Variants in LONRF2 observed in about 807,000 individuals in gnomAD.
The protein encoded by LONRF2 is LON peptidase N-terminal domain and RING finger protein 2.
A neutral mutation model predicts 66.6 loss-of-function variants in LONRF2; 35 were observed. The ratio of observed to expected loss-of-function variants is 0.53; its 90% CI spans 0.40 to 0.70. The LOEUF (loss-of-function observed/expected upper bound fraction) is 0.70, where lower values mean the gene tolerates loss of function less well. Among genes scored for constraint, LONRF2 ranks in the 30% least tolerant of loss-of-function variants. The pLI, the probability that LONRF2 is intolerant of heterozygous loss-of-function variation, is 0.00. For synonymous variants in LONRF2, 417 were observed against 418.1 expected (o/e 1.00, Z 0.03); for missense variants, 902 against 1,002.1 (o/e 0.90, Z 1.35).
At position 100,275,032 on chromosome 2, in the gene LONRF2, C is replaced by T. The variant is rs958598865; in HGVS notation, c.*9266G>A. On this transcript the variant is annotated 3_prime_UTR_variant, in exon 12 of 12. Transcript: ENST00000393437. ...TGCGCGTGGCTTACTAACTGGACCCCCACCCTGGGGAGCATGGCCGCTGCT... is the reference window on the plus strand; with the variant it reads ...TGCGCGTGGCTTACTAACTGGACCCTCACCCTGGGGAGCATGGCCGCTGCT... 1 of 152,330 alleles carries T rather than the reference C, an allele frequency of 6.6e-6. No homozygotes were observed. The highest frequency in any genetic ancestry group is 1.5e-5 in the Non-Finnish European group (1 of 68,164). The allele number at this position is 152,330 out of a possible 1,614,324, so 9.4% of individuals were successfully genotyped here.
intron 1 of LONRF2, among the ~76,000 whole-genome samples, chr2:100,316,821 C>T (rs1675518156): frequency 6.6e-6 from 1 of 152,124 alleles, no homozygotes; most frequent in Non-Finnish European, 1.5e-5. Context: ...TTGCTTTTGT[C>T]TCCTTTTGTT....
rs1675652225 is a variant in LONRF2, at chr2:100,322,166, T to G, written c.-73A>C. ...GGGAGGATGCGCTGCTGCTGGGAAC[T>G]GGCCGGCGGGAGCGCGGTCTCAGCC... is the stretch of plus-strand genomic sequence containing the variant. On this transcript the variant is annotated 5_prime_UTR_variant, in exon 1 of 12. Coordinates refer to ENST00000393437, the MANE Select transcript of LONRF2 (RefSeq NM_198461.4). 1.2e-5 allele frequency: 13 copies of G among 1,096,278 alleles called. No homozygotes were observed. The South Asian group carries it at 4.0e-4, about 34-fold the overall frequency. The allele number at this position is 1,096,278 out of a possible 1,614,324, so 67.9% of individuals were successfully genotyped here.
intron 1 of LONRF2, among the ~76,000 whole-genome samples, chr2:100,320,875 T>C (rs780498278): frequency 5.9e-5 from 9 of 152,274 alleles, no homozygotes; most frequent in South Asian, 2.1e-4. Context: ...AGTGTAACTA[T>C]CTAGTAAGTT....
At chr2:100,287,547 T>C (rs935526050) in intron 10 of LONRF2, among the ~76,000 whole-genome samples, 1 of 152,182 alleles carries the variant, frequency 6.6e-6, no homozygotes, top group African/African-American at 2.4e-5. Flanking sequence ...AGGGTGACAT[T>C]TTAAAAATTG....
intron 11 of LONRF2, among the ~76,000 whole-genome samples, chr2:100,284,949 G>A (rs1020645824): frequency 3.3e-5 from 5 of 152,156 alleles, no homozygotes; most frequent in Admixed American, 3.3e-4. Flanking sequence ...GTGTATGTAT[G>A]AAACATATAT....
At chr2:100,308,668 T>C (rs1270764712) in intron 2 of LONRF2, among the ~76,000 whole-genome samples, 13 of 152,306 alleles carry the variant, frequency 8.5e-5, no homozygotes, top group South Asian at 6.2e-4. Context: ...CTAAAATTAG[T>C]GTAAAATGTA....
At position 100,294,336 on chromosome 2, in the gene LONRF2, G is replaced by T. The variant is rs561888864; in HGVS notation, c.1650C>A (p.Val550=). 1 of 1,606,694 alleles carries T rather than the reference G, an allele frequency of 6.2e-7. No individual in the cohort carries two copies. The highest frequency in any genetic ancestry group is 2.2e-5 in the East Asian group (1 of 44,540). ...IFVCAMAFPT[V]PCPLHVFEPR... Reference sequence around the variant, plus strand: ...GCTCAAAAACGTGGAGTGGACATGGGACCGTGGGGAAGGCCATGGCACACA... The same window carrying T: ...GCTCAAAAACGTGGAGTGGACATGGTACCGTGGGGAAGGCCATGGCACACA... Residue 550 remains valine, a synonymous_variant, in exon 9 of 12, where the codon GTC becomes GTA. Transcript: ENST00000393437.
intron 1 of LONRF2, among the ~76,000 whole-genome samples, chr2:100,315,660 T>C (rs188226536): frequency 1.1e-3 from 161 of 152,340 alleles, no homozygotes; most frequent in East Asian, 6.6e-3. Flanking sequence ...TTACATTGCT[T>C]GATTTTCCAG....
At chr2:100,309,515 T>C (rs1040830892) in intron 1 of LONRF2, 2 of 176,180 alleles carry the variant, frequency 1.1e-5, no homozygotes, top group African/African-American at 2.4e-5. Flanking sequence ...TGAGTATTCC[T>C]ACACACACAC....
intron 1 of LONRF2, among the ~76,000 whole-genome samples, chr2:100,316,318 C>CAAAA (rs57110532): frequency 3.0e-4 from 30 of 100,928 alleles, no homozygotes; most frequent in African/African-American, 7.9e-4. Flanking sequence ...GACTCCATCT[C>CAAAA]AAAAAAAAAA....
rs1674637731 is a variant in LONRF2 at position 100,278,153 on chromosome 2, A to C, written c.*6145T>G. The C allele has an allele frequency of 6.6e-6, 1 of 152,194 alleles. No homozygotes were observed. The highest frequency in any genetic ancestry group is 2.4e-5 in the African/African-American group (1 of 41,444). The allele number at this position is 152,194 out of a possible 1,614,324, so 9.4% of individuals were successfully genotyped here. On this transcript the variant is annotated 3_prime_UTR_variant, in exon 12 of 12. Transcript: ENST00000393437. ...ACCCCGAAATGGGCCTCTATCTTGCACCACAAACCTGAATCTCTCTTAATT... is the reference window on the plus strand; with the variant it reads ...ACCCCGAAATGGGCCTCTATCTTGCCCCACAAACCTGAATCTCTCTTAATT...
rs1674798524 is a variant in LONRF2 at position 100,284,264 on chromosome 2, C to A, written c.*34G>T. 1 of 1,465,428 alleles carries A rather than the reference C, an allele frequency of 6.8e-7. No homozygotes were observed. The highest frequency in any genetic ancestry group is 9.1e-7 in the Non-Finnish European group (1 of 1,099,734). 90.8% of individuals were successfully genotyped at this position (1,465,428 alleles called of 1,614,324 possible). On this transcript the variant is annotated 3_prime_UTR_variant, in exon 12 of 12. Transcript: ENST00000393437. The stretch of plus-strand genomic sequence containing the variant: ...TCCATGCCTGACATTTATAAAAGCA[C>A]AAGGGCTGCCAGAAACCTTGACAGA...
chr2:100,313,437 G>A lies in LONRF2; in HGVS notation c.680-4212C>T, dbSNP rs191314804. On this transcript the variant is annotated intron_variant, in intron 1 of 11. Coordinates refer to ENST00000393437, the MANE Select transcript of LONRF2 (RefSeq NM_198461.4). ...TTGAACCTGGGAGGTGGAGGTTGCAGTGAGCCAAGACTGTCCCACTGCACT... is the reference window on the plus strand; with the variant it reads ...TTGAACCTGGGAGGTGGAGGTTGCAATGAGCCAAGACTGTCCCACTGCACT... Among the ~76,000 whole-genome samples the A allele has an allele frequency of 1.3e-3, 203 of 152,328 alleles. 2 individuals are homozygous for A. The highest frequency in any genetic ancestry group is 4.7e-3 in the African/African-American group (194 of 41,578).
In LONRF2 at chr2:100,280,759, TGACA is replaced by T. The variant is rs1674701836; in HGVS notation, c.*3535_*3538del. 2 of 151,972 alleles carry T rather than the reference TGACA, an allele frequency of 1.3e-5. No homozygotes were observed. Among genetic ancestry groups the T allele is most frequent in the Admixed American group, 1.3e-4 (2 of 15,266 alleles). The allele number at this position is 151,972 out of a possible 1,614,324, so 9.4% of individuals were successfully genotyped here. On this transcript the variant is annotated 3_prime_UTR_variant, in exon 12 of 12. Coordinates refer to ENST00000393437, the MANE Select transcript of LONRF2 (RefSeq NM_198461.4). ...TTGCGCCATTGCACTCCAGCCTGGG[TGACA>T]GAGTGAGACCCCATCTCAAAAAAAA...
intron 11 of LONRF2, 65 bp from the exon 12 acceptor site, chr2:100,284,557 T>C: frequency 7.5e-7 from 1 of 1,339,180 alleles, no homozygotes; most frequent in Non-Finnish European, 9.8e-7. Flanking sequence ...CCCAACACAG[T>C]CTTTTGCTCC....
intron 1 of LONRF2, among the ~76,000 whole-genome samples, chr2:100,314,883 CA>C (rs1319937871): frequency 2.2e-4 from 33 of 152,256 alleles, no homozygotes; most frequent in African/African-American, 7.5e-4. Context: ...CTAATTACTG[CA>C]GCATTATAGT....
rs763048922 is a variant in LONRF2, at chr2:100,299,910, A to T, written c.1074T>A (p.Ser358=). The change falls in exon 5 of 12, where the codon TCT becomes TCA. Residue 358 remains serine, a synonymous_variant. Transcript: ENST00000393437. ...EGDAGSSENS[S]EKSDMLGNTN... is the part of the protein sequence containing the mutation. The stretch of plus-strand genomic sequence containing the variant: ...TATTTCCAAGCATATCAGATTTCTC[A>T]GATGAATTCTGGTTAAGTGGGAAAA... 6.2e-7 allele frequency: 1 copy of T among 1,601,008 alleles called. No individual in the cohort carries two copies. The highest frequency in any genetic ancestry group is 1.1e-5 in the South Asian group (1 of 90,650).
chr2:100,295,303 C>T, intron 8 of LONRF2, 129 bp downstream of exon 8: 2 of 706,838 alleles, frequency 2.8e-6, no homozygotes, highest in Non-Finnish European at 4.3e-6. Flanking sequence ...AAATATTTTG[C>T]AATTAACATC....
At chr2:100,289,493 T>C (rs891032691) in intron 10 of LONRF2, among the ~76,000 whole-genome samples, 2 of 136,692 alleles carry the variant, frequency 1.5e-5, no homozygotes, top group Admixed American at 1.7e-4. Flanking sequence ...TGGAGTGCAG[T>C]GGCACGATCT....
Sources: gnomAD v4.1 joint callset for allele counts (sites outside exome capture counted in the v4.1 genomes callset) on GRCh38, gnomAD v4.1.1 for gene constraint, MANE v1.5 for transcripts, NCBI Gene and HGNC (gene_info 2026-07-23, HGNC 2026-07-21) for gene names.